KRABD5: variants seen among roughly 807,000 people sequenced by gnomAD.
KRABD5 encodes KRAB domain-containing protein 5.
chr16:31,715,508 A>G, the KRABD5 span, among the ~76,000 whole-genome samples: 1 of 152,150 alleles, frequency 6.6e-6, no homozygotes, highest in African/African-American at 2.4e-5. Context: ...TGTATCTTTT[A>G]TAATAAACTG....
At chr16:31,739,465 T>C in the KRABD5 span, among the ~76,000 whole-genome samples, 1 of 152,154 alleles carries the variant, frequency 6.6e-6, no homozygotes, top group African/African-American at 2.4e-5. Flanking sequence ...TTTTTTTTTT[T>C]CTGGCTTCTA....
chr16:31,756,311 T>C, the KRABD5 span: 2 of 152,138 alleles, frequency 1.3e-5, no homozygotes, highest in African/African-American at 4.8e-5. Flanking sequence ...TTTAGGGCAT[T>C]AGTATTCTAT....
At chr16:31,745,962 C>A in the KRABD5 span, among the ~76,000 whole-genome samples, 1 of 150,766 alleles carries the variant, frequency 6.6e-6, no homozygotes, top group Non-Finnish European at 1.5e-5. Context: ...TTTTTCTTTC[C>A]ATTTGCTTGG....
At chr16:31,740,697 G>A in the KRABD5 span, among the ~76,000 whole-genome samples, 1 of 151,674 alleles carries the variant, frequency 6.6e-6, no homozygotes, top group Non-Finnish European at 1.5e-5. Flanking sequence ...AGGAGGCTGT[G>A]TCAGGAGGAT....
chr16:31,721,880 ATC>A, the KRABD5 span, among the ~76,000 whole-genome samples: 1 of 152,174 alleles, frequency 6.6e-6, no homozygotes, highest in Non-Finnish European at 1.5e-5. Flanking sequence ...CCAGCCCCAG[ATC>A]TCCTGAATCA....
At chr16:31,737,780 C>G in the KRABD5 span, among the ~76,000 whole-genome samples, 1 of 152,088 alleles carries the variant, frequency 6.6e-6, no homozygotes, top group African/African-American at 2.4e-5. Flanking sequence ...GATTGTTTAT[C>G]CATCTGTGGA....
chr16:31,749,303 C>G, the KRABD5 span, among the ~76,000 whole-genome samples: 1 of 152,294 alleles, frequency 6.6e-6, no homozygotes, highest in South Asian at 2.1e-4. Context: ...CATGCAGCCT[C>G]CCTGACTCCA....
chr16:31,761,424 T>C, the KRABD5 span: 2 of 152,184 alleles, frequency 1.3e-5, no homozygotes, highest in Admixed American at 1.3e-4. Flanking sequence ...GGTCCTCTTA[T>C]CTCTGTTTAA....
chr16:31,745,963 A>G, the KRABD5 span, among the ~76,000 whole-genome samples: 1 of 147,368 alleles, frequency 6.8e-6, no homozygotes, highest in Non-Finnish European at 1.5e-5. Flanking sequence ...TTTTCTTTCC[A>G]TTTGCTTGGT....
chr16:31,749,093 G>T, the KRABD5 span, among the ~76,000 whole-genome samples: 1 of 152,230 alleles, frequency 6.6e-6, no homozygotes, highest in Non-Finnish European at 1.5e-5. Flanking sequence ...AGAGACTGTT[G>T]TCACCCCTCT....
chr16:31,747,586 A>G, the KRABD5 span, among the ~76,000 whole-genome samples: 1 of 152,164 alleles, frequency 6.6e-6, no homozygotes, highest in Non-Finnish European at 1.5e-5. Context: ...CAATGGTTGA[A>G]CTAGTTTACA....
the KRABD5 span, among the ~76,000 whole-genome samples, chr16:31,717,450 C>T: frequency 3.3e-5 from 5 of 152,324 alleles, no homozygotes; most frequent in Admixed American, 3.3e-4. Context: ...ATGTACCTAC[C>T]TGTCTTGAAG....
At chr16:31,714,541 G>A in the KRABD5 span, 1 of 390,478 alleles carries the variant, frequency 2.6e-6, no homozygotes. Context: ...GATGAGATGG[G>A]AAGAAGGCAC....
chr16:31,713,525 G>C, the KRABD5 span: 1 of 1,495,016 alleles, frequency 6.7e-7, no homozygotes, highest in African/African-American at 1.4e-5. Flanking sequence ...TCGGGGTCTG[G>C]GCCCTGAGTC....
chr16:31,755,833 G>T, the KRABD5 span: 1 of 300,800 alleles, frequency 3.3e-6, no homozygotes, highest in Admixed American at 4.7e-5. Context: ...TATTTAATCA[G>T]AACTCAAATC....
the KRABD5 span, among the ~76,000 whole-genome samples, chr16:31,740,759 A>C: frequency 6.6e-6 from 1 of 152,212 alleles, no homozygotes; most frequent in Non-Finnish European, 1.5e-5. Context: ...TGATTGTACC[A>C]GTGTACTCCA....
the KRABD5 span, among the ~76,000 whole-genome samples, chr16:31,735,233 G>A: frequency 1.0e-3 from 159 of 152,004 alleles, no homozygotes; most frequent in Non-Finnish European, 2.0e-3. Context: ...TATTGCAAAG[G>A]ACAGGATTTT....
the KRABD5 span, among the ~76,000 whole-genome samples, chr16:31,728,833 T>G: frequency 3.3e-5 from 5 of 152,216 alleles, no homozygotes; most frequent in African/African-American, 9.6e-5. Context: ...TGCACTGCTT[T>G]CTTAATTTTG....
the KRABD5 span, among the ~76,000 whole-genome samples, chr16:31,724,708 A>AG: frequency 1.3e-5 from 2 of 151,204 alleles, no homozygotes; most frequent in Non-Finnish European, 2.9e-5. Context: ...AAAAAAGAAA[A>AG]AAAAAAAAGA....
Sources: allele counts gnomAD v4.1 joint callset (sites outside exome capture counted in the v4.1 genomes callset), GRCh38; gene constraint gnomAD v4.1.1; transcripts MANE v1.5; gene names NCBI Gene and HGNC (gene_info 2026-07-23, HGNC 2026-07-21).